The following CRYBA4 variants were observed in gnomAD, a reference collection of about 807,000 sequenced individuals.
CRYBA4 encodes crystallin beta A4.
A neutral mutation model predicts 31.7 loss-of-function variants in CRYBA4; 30 were observed. That is an observed-to-expected ratio of 0.95 (90% CI 0.71 to 1.28). The LOEUF (loss-of-function observed/expected upper bound fraction) is 1.28. Among genes scored for constraint, CRYBA4 ranks in the 50% most tolerant of loss-of-function variants. The pLI is 0.00. For missense variants in CRYBA4, 225 were observed against 260.7 expected, an observed-to-expected ratio of 0.86 and a Z score of 0.94; for synonymous variants, 102 against 102.3, an observed-to-expected ratio of 1.00 and a Z score of 0.02.
At chr22:26,625,124 G>A (rs1038552968) in intron 3 of CRYBA4, among the ~76,000 whole-genome samples, 1 of 152,156 alleles carries the variant, frequency 6.6e-6, no homozygotes, top group Non-Finnish European at 1.5e-5. Flanking sequence ...GGTTGTCAGG[G>A]CACCTGTGTG....
chr22:26,600,851 A>G, the CRYBA4 span, among the ~76,000 whole-genome samples: 1 of 152,202 alleles, frequency 6.6e-6, no homozygotes, highest in Admixed American at 6.5e-5. Flanking sequence ...CAAATCCTAG[A>G]AACCTCTCCT....
At chr22:26,612,156 C>T in the CRYBA4 span, 44 of 1,613,732 alleles carry the variant, frequency 2.7e-5, no homozygotes, top group South Asian at 7.7e-5. Flanking sequence ...TTCTGCTCGA[C>T]GGCCCTGGAA....
At chr22:26,627,887 AT>A (rs1929801835) in intron 4 of CRYBA4, among the ~76,000 whole-genome samples, 3 of 152,168 alleles carry the variant, frequency 2.0e-5, no homozygotes, top group African/African-American at 7.2e-5. Context: ...ACCTCAGGTG[AT>A]CCACCCTCCT....
In CRYBA4 at chr22:26,628,298, A is replaced by G. The variant is rs751201974; in HGVS notation, c.311A>G (p.Asp104Gly). The change falls in exon 5 of 6, where the codon GAC becomes GGC. Residue 104 changes from aspartate (D) to glycine (G), a missense_variant. Transcript: ENST00000354760. ...TCCCTGTTCCTGTAGAACCACCGTGACTCGAGGCTGACAATCTTCGAGCAA... is the reference window on the plus strand; with the variant it reads ...TCCCTGTTCCTGTAGAACCACCGTGGCTCGAGGCTGACAATCTTCGAGCAA... ...FRPAACANHR[D>G]SRLTIFEQEN... The G allele has an allele frequency of 1.2e-6, 2 of 1,613,890 alleles. No individual in the cohort carries two copies.
At chr22:26,628,537 A>G (rs1473643386) in intron 5 of CRYBA4, 107 bp downstream of exon 5, 1 of 1,328,810 alleles carries the variant, frequency 7.5e-7, no homozygotes, top group Non-Finnish European at 1.1e-6. Context: ...TGATGCCCAC[A>G]TTCCAGAGGA....
At chr22:26,611,891 C>T in the CRYBA4 span, among the ~76,000 whole-genome samples, 9 of 152,116 alleles carry the variant, frequency 5.9e-5, no homozygotes, top group African/African-American at 1.4e-4. Flanking sequence ...TTTCCTCATC[C>T]GTAAAATGAG....
upstream of CRYBA4, among the ~76,000 whole-genome samples, chr22:26,618,885 G>A (rs1018589819): frequency 2.0e-5 from 3 of 152,180 alleles, no homozygotes; most frequent in East Asian, 1.9e-4. Context: ...CCTATCGACA[G>A]TGATCCCTCT....
the CRYBA4 span, among the ~76,000 whole-genome samples, chr22:26,597,493 G>C: frequency 9.1e-4 from 139 of 152,252 alleles, no homozygotes; most frequent in Middle Eastern, 3.4e-3. Context: ...ATGGGGTAGC[G>C]GGGACACTGC....
At chr22:26,592,382 A>G in the CRYBA4 span, among the ~76,000 whole-genome samples, 1 of 152,266 alleles carries the variant, frequency 6.6e-6, no homozygotes, top group Non-Finnish European at 1.5e-5. Context: ...AAGCCTTCAC[A>G]GTAAAGTGAG....
chr22:26,618,177 A>C (rs1328920303), upstream of CRYBA4: 1 of 153,162 alleles, frequency 6.5e-6, no homozygotes, highest in African/African-American at 2.4e-5. Context: ...AGACAGCAGC[A>C]CTTTCCTTTG....
At chr22:26,613,913 G>T in the CRYBA4 span, among the ~76,000 whole-genome samples, 1 of 152,134 alleles carries the variant, frequency 6.6e-6, no homozygotes, top group South Asian at 2.1e-4. Flanking sequence ...AAGAGAATGC[G>T]CACCTGGGGT....
At chr22:26,605,445 G>A in the CRYBA4 span, among the ~76,000 whole-genome samples, 15 of 144,672 alleles carry the variant, frequency 1.0e-4, no homozygotes, top group South Asian at 3.3e-3. Context: ...AGGCCCAGGC[G>A]GGTAGATCAC....
chr22:26,615,618 A>T, the CRYBA4 span, among the ~76,000 whole-genome samples: 5,182 of 151,682 alleles, frequency 0.034, 148 homozygotes, highest in East Asian at 0.093. Flanking sequence ...GGTTCAAGTG[A>T]TTCTCCTGCC....
chr22:26,597,514 G>A, the CRYBA4 span, among the ~76,000 whole-genome samples: 1 of 152,142 alleles, frequency 6.6e-6, no homozygotes, highest in East Asian at 1.9e-4. Context: ...TGTTTGCTCT[G>A]CCTGGAATAT....
chr22:26,627,418 T>TTC (rs1491498236), intron 4 of CRYBA4, among the ~76,000 whole-genome samples: 1 of 96,476 alleles, frequency 1.0e-5, no homozygotes, highest in East Asian at 3.9e-4. Context: ...CTTTCTTTCT[T>TTC]TCTTTCTTTT....
Position 26,621,985 on chromosome 22 carries a change from C to T in CRYBA4, c.-14C>T, listed in dbSNP as rs532855216. 1.8e-5 allele frequency: 18 copies of T among 986,282 alleles called. No individual in the cohort carries two copies. Among genetic ancestry groups the T allele is most frequent in the Middle Eastern group, 5.2e-4 (1 of 1,914 alleles). 61.1% of individuals were successfully genotyped at this position (986,282 alleles called of 1,614,324 possible). Reference sequence around the variant, plus strand: ...TCTGACATGTTCCCTGGGCCTATCTCGGTAAGTCCCAGGTTTGGAGGAGGG... The same window carrying T: ...TCTGACATGTTCCCTGGGCCTATCTTGGTAAGTCCCAGGTTTGGAGGAGGG... On this transcript the variant is annotated splice_region_variant and 5_prime_UTR_variant, in exon 1 of 6. Transcript: ENST00000354760.
the CRYBA4 span, among the ~76,000 whole-genome samples, chr22:26,592,577 A>T: frequency 1.3e-5 from 2 of 152,226 alleles, no homozygotes; most frequent in African/African-American, 2.4e-5. Context: ...TGAAGTGCAG[A>T]GTGGACAGGA....
At chr22:26,606,549 C>G in the CRYBA4 span, among the ~76,000 whole-genome samples, 1 of 152,200 alleles carries the variant, frequency 6.6e-6, no homozygotes, top group Admixed American at 6.5e-5. Flanking sequence ...AAACAAACCC[C>G]TTAACATAGG....
chr22:26,612,199 G>A, the CRYBA4 span: 1 of 1,598,702 alleles, frequency 6.3e-7, no homozygotes, highest in Non-Finnish European at 8.6e-7. Context: ...AGCTGCAGGA[G>A]AGAAGCCCCC....
Sources: allele counts gnomAD v4.1 joint callset (sites outside exome capture counted in the v4.1 genomes callset), GRCh38; gene constraint gnomAD v4.1.1; transcripts MANE v1.5; gene names NCBI Gene and HGNC (gene_info 2026-07-23, HGNC 2026-07-21).